The following ARHGEF28 variants were observed in gnomAD, a reference collection of about 807,000 sequenced individuals.
The protein encoded by ARHGEF28 is 190 kDa guanine nucleotide exchange factor.
Under a neutral mutation model 206.6 loss-of-function variants are expected in ARHGEF28, and 152 were observed. That is an observed-to-expected ratio of 0.74 (90% CI 0.64 to 0.84). ARHGEF28 has a LOEUF of 0.84. Among genes scored for constraint, ARHGEF28 ranks in the 40% least tolerant of loss-of-function variants. The pLI, the probability that ARHGEF28 is intolerant of heterozygous loss-of-function variation, is 0.00. For missense variants in ARHGEF28, 2,028 were observed against 2,073.2 expected (o/e 0.98, Z 0.42); for synonymous variants, 763 against 776.4 (o/e 0.98, Z 0.29).
chr5:73,923,499 T>A (rs1270181423), intron 35 of ARHGEF28, among the ~76,000 whole-genome samples: 1 of 134,532 alleles, frequency 7.4e-6, no homozygotes, highest in East Asian at 2.0e-4. Flanking sequence ...TTTTTTCAAA[T>A]GCTGCTGCCC....
chr5:73,857,946 G>T, intron 15 of ARHGEF28, 141 bp from the exon 16 acceptor site: 7 of 1,364,668 alleles, frequency 5.1e-6, no homozygotes, highest in South Asian at 1.5e-5. Context: ...AGGTGTTATG[G>T]TGTCCCTCTG....
intron 15 of ARHGEF28, 99 bp downstream of exon 15, chr5:73,857,878 A>T: frequency 7.0e-7 from 1 of 1,429,506 alleles, no homozygotes; most frequent in Non-Finnish European, 9.4e-7. Flanking sequence ...CACTTACCTT[A>T]GATTTTATTT....
chr5:73,931,045 A>G (rs77672253), intron 35 of ARHGEF28, among the ~76,000 whole-genome samples: 4,711 of 152,018 alleles, frequency 0.031, 140 homozygotes, highest in East Asian at 0.15. Context: ...ATTAAAGGAA[A>G]TTTTTTCCAG....
intron 2 of ARHGEF28, among the ~76,000 whole-genome samples, chr5:73,702,098 G>A (rs888092538): frequency 2.6e-5 from 4 of 152,140 alleles, no homozygotes; most frequent in Admixed American, 2.0e-4. Flanking sequence ...TTCCAGAATG[G>A]CTGTATCATT....
chr5:73,700,974 A>G (rs532181455), intron 2 of ARHGEF28, among the ~76,000 whole-genome samples: 38 of 152,356 alleles, frequency 2.5e-4, no homozygotes, highest in African/African-American at 9.1e-4. Flanking sequence ...ATTGGCTTTC[A>G]TAATAATGCA....
At chr5:73,703,037 G>T (rs2112290384) in intron 2 of ARHGEF28, among the ~76,000 whole-genome samples, 1 of 152,276 alleles carries the variant, frequency 6.6e-6, no homozygotes, top group South Asian at 2.1e-4. Context: ...GATAACAATA[G>T]ATTAATCTAA....
intron 9 of ARHGEF28, among the ~76,000 whole-genome samples, chr5:73,820,007 C>T (rs1284701032): frequency 6.6e-6 from 1 of 152,102 alleles, no homozygotes; most frequent in Non-Finnish European, 1.5e-5. Flanking sequence ...ACCTCTATAC[C>T]CTAAGACACT....
At chr5:73,723,496 T>C (rs1392136340) in intron 2 of ARHGEF28, among the ~76,000 whole-genome samples, 1 of 152,252 alleles carries the variant, frequency 6.6e-6, no homozygotes, top group Non-Finnish European at 1.5e-5. Flanking sequence ...CCAAGAATGT[T>C]TTTTAAGAAA....
intron 35 of ARHGEF28, among the ~76,000 whole-genome samples, chr5:73,935,549 T>G (rs1418350108): frequency 1.3e-5 from 2 of 152,214 alleles, no homozygotes; most frequent in African/African-American, 2.4e-5. Flanking sequence ...GAAAAAATGT[T>G]GTGCATTAAT....
rs550782837 is a variant in ARHGEF28 at position 73,865,070 on chromosome 5, A to T, written c.2103+198A>T. On this transcript the variant is annotated intron_variant, in intron 17 of 35. Transcript: ENST00000513042. Reference sequence around the variant, plus strand: ...AAATAGAAGGAAAGCTCAAGTCCAGATATTTGTGTTATATGCTGTGGCTAG... The same window carrying T: ...AAATAGAAGGAAAGCTCAAGTCCAGTTATTTGTGTTATATGCTGTGGCTAG... Among the ~76,000 whole-genome samples, 5 of 152,320 alleles carry T rather than the reference A, an allele frequency of 3.3e-5. No individual in the cohort carries two copies. The East Asian group carries it at 9.6e-4, about 29-fold the overall frequency.
At chr5:73,813,080 C>A (rs1015411196) in intron 9 of ARHGEF28, among the ~76,000 whole-genome samples, 2 of 152,146 alleles carry the variant, frequency 1.3e-5, no homozygotes, top group Admixed American at 1.3e-4. Context: ...AGCTTTCTGG[C>A]TGTCCACACA....
intron 7 of ARHGEF28, among the ~76,000 whole-genome samples, chr5:73,782,622 A>G (rs1208557764): frequency 2.0e-5 from 3 of 151,984 alleles, no homozygotes; most frequent in East Asian, 1.9e-4. Flanking sequence ...TGCCTTTACT[A>G]TTCTCCCCTG....
chr5:73,921,029 A>T (rs942325280), intron 35 of ARHGEF28, among the ~76,000 whole-genome samples: 1 of 152,194 alleles, frequency 6.6e-6, no homozygotes, highest in Non-Finnish European at 1.5e-5. Flanking sequence ...TCAATGAAAC[A>T]CTTTCTTAAA....
intron 9 of ARHGEF28, among the ~76,000 whole-genome samples, chr5:73,819,905 C>T (rs142281537): frequency 5.9e-5 from 9 of 152,296 alleles, no homozygotes; most frequent in Middle Eastern, 3.4e-3. Flanking sequence ...TCTGAATTCC[C>T]TTGGGGTTCA....
At chr5:73,935,802 T>A in intron 35 of ARHGEF28, among the ~76,000 whole-genome samples, 1 of 152,156 alleles carries the variant, frequency 6.6e-6, no homozygotes, top group African/African-American at 2.4e-5. Context: ...GACACATGAT[T>A]AAAATAAACA....
intron 1 of ARHGEF28, among the ~76,000 whole-genome samples, chr5:73,655,013 C>A (rs1745095013): frequency 6.6e-6 from 1 of 152,158 alleles, no homozygotes. Flanking sequence ...TCTCATTGGG[C>A]AAGGAAAACT....
At chr5:73,878,635 C>G (rs1415100435) in intron 22 of ARHGEF28, among the ~76,000 whole-genome samples, 4 of 150,208 alleles carry the variant, frequency 2.7e-5, no homozygotes, top group Non-Finnish European at 5.9e-5. Context: ...GACAAAATCT[C>G]TCAGCATTTG....
chr5:73,671,277 C>T (rs1025627110), intron 1 of ARHGEF28, among the ~76,000 whole-genome samples: 2 of 152,174 alleles, frequency 1.3e-5, no homozygotes, highest in African/African-American at 4.8e-5. Flanking sequence ...CTCAGCCAGG[C>T]TTTATCTAGG....
chr5:73,933,817 G>A (rs1764266502), intron 35 of ARHGEF28, among the ~76,000 whole-genome samples: 1 of 150,966 alleles, frequency 6.6e-6, no homozygotes, highest in Non-Finnish European at 1.5e-5. Context: ...TTTTTTTTCT[G>A]TAACATAACC....
Sources: gnomAD v4.1 joint callset for allele counts (sites outside exome capture counted in the v4.1 genomes callset) on GRCh38, gnomAD v4.1.1 for gene constraint, MANE v1.5 for transcripts, NCBI Gene and HGNC (gene_info 2026-07-23, HGNC 2026-07-21) for gene names.